SORL1: variants seen among roughly 807,000 people sequenced by gnomAD.
The protein encoded by SORL1 is sortilin related receptor 1.
A neutral mutation model predicts 273.7 loss-of-function variants in SORL1; 127 were observed. That is an observed-to-expected ratio of 0.46 (90% CI 0.40 to 0.54). The LOEUF (loss-of-function observed/expected upper bound fraction) is 0.54, where lower values mean the gene tolerates loss of function less well. SORL1 is among the 20% of genes least tolerant of loss of function. The probability of loss-of-function intolerance (pLI) is 0.00; values close to 1 mark genes in which losing one functional copy is unlikely to be tolerated. For missense variants in SORL1, 2,494 were observed against 2,846.1 expected (o/e 0.88, Z 2.81); for synonymous variants, 1,031 against 1,067.4 (o/e 0.97, Z 0.66).
chr11:121,555,391 C>T, intron 18 of SORL1, 73 bp downstream of exon 18: 3 of 1,569,064 alleles, frequency 1.9e-6, no homozygotes, highest in South Asian at 1.1e-5. Flanking sequence ...ACATTTGACA[C>T]AGAGGCAAGG....
At chr11:121,508,009 G>A (rs534955631) in intron 6 of SORL1, among the ~76,000 whole-genome samples, 1 of 152,136 alleles carries the variant, frequency 6.6e-6, no homozygotes, top group Non-Finnish European at 1.5e-5. Context: ...TCAAGTTTGT[G>A]TTCTTTATTG....
At chr11:121,545,761 AC>A (rs1862415800) in intron 14 of SORL1, among the ~76,000 whole-genome samples, 1 of 152,044 alleles carries the variant, frequency 6.6e-6, no homozygotes, top group African/African-American at 2.4e-5. Context: ...TCTCCTTAGG[AC>A]CCTATTCTAG....
chr11:121,576,972 G>T lies in SORL1; in HGVS notation c.3461-309G>T, dbSNP rs539724145. 2.0e-6 allele frequency: 3 copies of T among 1,508,818 alleles called. No individual in the cohort carries two copies. The African/African-American group carries it at 4.1e-5, about 21-fold the overall frequency. 93.5% of individuals were successfully genotyped at this position (1,508,818 alleles called of 1,614,324 possible). Reference sequence around the variant, plus strand: ...GCTTCCTAACCTTCTTCCCATCATAGCAAGCATAGAAAATAATATATGTGG... The same window carrying T: ...GCTTCCTAACCTTCTTCCCATCATATCAAGCATAGAAAATAATATATGTGG... On this transcript the variant is annotated intron_variant, in intron 24 of 47. Transcript: ENST00000260197.
chr11:121,482,853 G>A (rs563655456), intron 3 of SORL1, among the ~76,000 whole-genome samples: 1 of 152,374 alleles, frequency 6.6e-6, no homozygotes, highest in African/African-American at 2.4e-5. Context: ...GAAGGTGCTA[G>A]CGCGGCATCC....
In SORL1 at chr11:121,579,145, T is replaced by A. The variant is rs1290585343; in HGVS notation, c.3580+1745T>A. 2.6e-5 allele frequency among the ~76,000 whole-genome samples: 4 copies of A among 152,324 alleles called. No homozygotes were observed. In the South Asian group the frequency reaches 8.3e-4, roughly 32 times the overall value. On this transcript the variant is annotated intron_variant, in intron 25 of 47. Transcript: ENST00000260197. ...CTTCATTTCTATAGGCAAGCTTGTA[T>A]AAACTCCTGGTTTTTTCTCTGATTT...
chr11:121,471,406 G>C (rs1861164886), intron 2 of SORL1, among the ~76,000 whole-genome samples: 1 of 152,236 alleles, frequency 6.6e-6, no homozygotes, highest in Non-Finnish European at 1.5e-5. Flanking sequence ...ACATGTAAGG[G>C]CCAAAGCTCG....
chr11:121,536,321 C>T (rs1436247986), intron 12 of SORL1, among the ~76,000 whole-genome samples: 1 of 151,978 alleles, frequency 6.6e-6, no homozygotes, highest in Non-Finnish European at 1.5e-5. Flanking sequence ...TTGCTTGCAG[C>T]GCCTCTCAAT....
chr11:121,539,222 T>C (rs1862310759), intron 12 of SORL1, among the ~76,000 whole-genome samples: 1 of 152,192 alleles, frequency 6.6e-6, no homozygotes, highest in Non-Finnish European at 1.5e-5. Flanking sequence ...ATGTTCTGTG[T>C]CATTGTCCTG....
intron 5 of SORL1, among the ~76,000 whole-genome samples, chr11:121,493,136 C>G (rs1792114): frequency 0.98 from 149,408 of 152,260 alleles, 73,387 homozygotes; most frequent in Middle Eastern, 1. Context: ...GTGCAGCCAT[C>G]CCTAGCTAAT....
chr11:121,486,706 C>T (rs970034924), intron 3 of SORL1, among the ~76,000 whole-genome samples: 1 of 152,006 alleles, frequency 6.6e-6, no homozygotes, highest in Non-Finnish European at 1.5e-5. Flanking sequence ...GTCTCGATCT[C>T]CTGACCTCGT....
At position 121,554,392 on chromosome 11, in the gene SORL1, A is replaced by G. The variant is rs989969912; in HGVS notation, c.2439+283A>G. Among the ~76,000 whole-genome samples, 1 of 152,202 alleles carries G rather than the reference A, an allele frequency of 6.6e-6. No homozygotes were observed. The highest frequency in any genetic ancestry group is 1.5e-5 in the Non-Finnish European group (1 of 68,032). ...GGGAAGGTGTTGGGACTAGTAATGT[A>G]GGATGATTAGTTGCCCCCCTATTGT... is the stretch of plus-strand genomic sequence containing the variant. On this transcript the variant is annotated intron_variant, in intron 17 of 47. Coordinates refer to ENST00000260197, the MANE Select transcript of SORL1 (RefSeq NM_003105.6). The surrounding 1 kb of genome is among the most constrained non-coding windows in gnomAD (Gnocchi z 4.6).
chr11:121,581,887 G>A (rs926299619), intron 25 of SORL1, among the ~76,000 whole-genome samples: 3 of 151,574 alleles, frequency 2.0e-5, no homozygotes, highest in Non-Finnish European at 4.4e-5. Flanking sequence ...GCAAGGTGTC[G>A]GTGAGGGATG....
At chr11:121,551,983 T>C (rs1212272884) in intron 16 of SORL1, among the ~76,000 whole-genome samples, 1 of 152,184 alleles carries the variant, frequency 6.6e-6, no homozygotes, top group Non-Finnish European at 1.5e-5. Flanking sequence ...TTGTAATAAA[T>C]ATTTCTGAAG....
At chr11:121,520,511 A>G in intron 8 of SORL1, 146 bp from the exon 9 acceptor site, 1 of 528,084 alleles carries the variant, frequency 1.9e-6, no homozygotes, top group South Asian at 3.0e-5. Flanking sequence ...AATGTTCTGG[A>G]ACTAGATAGT....
chr11:121,488,297 T>A, intron 4 of SORL1, 104 bp downstream of exon 4: 2 of 1,134,872 alleles, frequency 1.8e-6, no homozygotes, highest in South Asian at 1.4e-5. Context: ...TGCCTCTCCC[T>A]CCTTCTCTCT....
chr11:121,603,594 A>G (rs952618979), intron 32 of SORL1, among the ~76,000 whole-genome samples: 1 of 152,204 alleles, frequency 6.6e-6, no homozygotes, highest in Non-Finnish European at 1.5e-5. Flanking sequence ...CATTATTTGC[A>G]TTATTTCATT....
chr11:121,542,899 C>T (rs1157033831), intron 12 of SORL1, among the ~76,000 whole-genome samples: 1 of 150,776 alleles, frequency 6.6e-6, no homozygotes, highest in African/African-American at 2.4e-5. Context: ...AATTGGGGGC[C>T]AGACACGGTG....
intron 1 of SORL1, among the ~76,000 whole-genome samples, chr11:121,458,273 T>C (rs1488071406): frequency 1.3e-5 from 2 of 152,238 alleles, no homozygotes; most frequent in Non-Finnish European, 2.9e-5. Context: ...GGCCTAAATG[T>C]ATTCAGGGAA....
In SORL1 at chr11:121,558,757, G is replaced by C. The variant is rs1020233447; in HGVS notation, c.2830G>C (p.Glu944Gln). 8 of 1,614,068 alleles carry C rather than the reference G, an allele frequency of 5.0e-6. No individual in the cohort carries two copies. The highest frequency in any genetic ancestry group is 1.6e-4 in the Middle Eastern group (1 of 6,084). ...GACGGATGCCTACCTGGAGTGCATA[G>C]AGCGGATCACGTTCAGTGGCCAGCA... Reference protein sequence around the residue: ...YWTDAYLECIERITFSGQQRS... With the variant: ...YWTDAYLECIQRITFSGQQRS... Residue 944 changes from glutamate (E) to glutamine (Q), a missense_variant, in exon 20 of 48, where the codon GAG (glutamate) becomes CAG (glutamine). By Grantham distance (29) the Glu-to-Gln change is conservative. Around this residue, in one of 3 missense-constraint regions of SORL1, gnomAD observed 1,609 missense variants for 1,816.4 expected, o/e 0.89. Coordinates refer to ENST00000260197, the MANE Select transcript of SORL1 (RefSeq NM_003105.6).
Sources: gnomAD v4.1 joint callset for allele counts (sites outside exome capture counted in the v4.1 genomes callset) on GRCh38, gnomAD v4.1.1 for gene constraint, gnomAD v4.1.1 regional missense constraint, Gnocchi (gnomAD v3.1) non-coding constraint, MANE v1.5 for transcripts, NCBI Gene and HGNC (gene_info 2026-07-23, HGNC 2026-07-21) for gene names.